TRPM2: variants seen among roughly 807,000 people sequenced by gnomAD.
TRPM2 encodes the protein estrogen-responsive element-associated gene 1 protein.
A neutral mutation model predicts 174.0 loss-of-function variants in TRPM2; 161 were observed. The ratio of observed to expected loss-of-function variants is 0.93; its 90% CI spans 0.81 to 1.05. The LOEUF (loss-of-function observed/expected upper bound fraction) is 1.05. Ranked by LOEUF, TRPM2 falls within the 50% of genes least tolerant of loss-of-function variation. The pLI, the probability that TRPM2 is intolerant of heterozygous loss-of-function variation, is 0.00. For missense variants in TRPM2, 2,057 were observed against 2,038.0 expected, an observed-to-expected ratio of 1.01 and a Z score of -0.18; for synonymous variants, 954 against 861.3, an observed-to-expected ratio of 1.11 and a Z score of -1.88.
At chr21:44,425,055 T>A in intron 24 of TRPM2, 116 bp downstream of exon 24, 1 of 926,346 alleles carries the variant, frequency 1.1e-6, no homozygotes, top group Non-Finnish European at 1.6e-6. Flanking sequence ...AGGAAGGCAC[T>A]GGCTGCAGCC....
chr21:44,429,531 C>G lies in TRPM2; in HGVS notation c.3974+2420C>G, dbSNP rs564610689. Among the ~76,000 whole-genome samples the G allele has an allele frequency of 1.8e-4, 27 of 152,108 alleles. No individual in the cohort carries two copies. The South Asian group carries it at 5.6e-3, about 32-fold the overall frequency. The stretch of plus-strand genomic sequence containing the variant: ...TGAATTCCTGACCTCAGGTGATCCA[C>G]TCGCCTCAGCCTCCCAGAGTGCTGG... On this transcript the variant is annotated intron_variant, in intron 27 of 31. Transcript: ENST00000397928.
At position 44,369,306 on chromosome 21, in the gene TRPM2, G is replaced by A. The variant is rs2048453118; in HGVS notation, c.734G>A (p.Gly245Asp). 3.7e-6 allele frequency: 6 copies of A among 1,613,578 alleles called. No individual in the cohort carries two copies. The highest frequency in any genetic ancestry group is 5.1e-6 in the Non-Finnish European group (6 of 1,179,820). ...ATCACCATCGGAGTCGCCACCTGGG[G>A]CACTGTCCACCGCCGCGAGGGCCTG... ...ELITIGVATWGTVHRREGLIH... is the reference protein window; with the variant it reads ...ELITIGVATWDTVHRREGLIH... The change falls in exon 5 of 32, where the codon GGC (glycine) becomes GAC (aspartate). Residue 245 changes from glycine to aspartate, a missense_variant. Coordinates refer to ENST00000397928, the MANE Select transcript of TRPM2 (RefSeq NM_003307.4).
chr21:44,433,844 C>T (rs368705344), intron 27 of TRPM2, among the ~76,000 whole-genome samples: 202 of 152,282 alleles, frequency 1.3e-3, no homozygotes, highest in Admixed American at 3.6e-3. Context: ...TGGGCTCGGG[C>T]AGGTCTGCGC....
At chr21:44,379,269 G>C (rs1044176967) in intron 8 of TRPM2, 72 bp downstream of exon 8, 3 of 1,543,722 alleles carry the variant, frequency 1.9e-6, no homozygotes, top group Non-Finnish European at 2.6e-6. Context: ...TGGTGGGCAG[G>C]ACCAGGACTC....
chr21:44,357,439 G>T (rs945676907), intron 2 of TRPM2, among the ~76,000 whole-genome samples: 3 of 152,220 alleles, frequency 2.0e-5, no homozygotes, highest in African/African-American at 7.2e-5. Flanking sequence ...CACAGCTAAG[G>T]TTTATCATGG....
chr21:44,374,438 G>A (rs1256959622), intron 5 of TRPM2, among the ~76,000 whole-genome samples: 2 of 152,090 alleles, frequency 1.3e-5, no homozygotes, highest in Middle Eastern at 3.2e-3. Context: ...ATTCAAGCAC[G>A]TTACGTTTAT....
At chr21:44,435,046 G>A (rs8129002) in intron 27 of TRPM2, 85 bp from the exon 28 acceptor site, 29,536 of 1,377,312 alleles carry the variant, frequency 0.021, 800 homozygotes, top group African/African-American at 0.12. Context: ...CCTGACGCCC[G>A]CTGTCCCCTC....
In TRPM2 at chr21:44,366,964, C is replaced by T; in HGVS notation, c.604+30C>T. On this transcript the variant is annotated intron_variant, in intron 4 of 31. Coordinates refer to ENST00000397928, the MANE Select transcript of TRPM2 (RefSeq NM_003307.4). The surrounding 1 kb of genome is among the most constrained non-coding windows in gnomAD (Gnocchi z 6.0). ...CTCGGAGGCTGGAGGGACACGAGGCCCCGGCGGGTGGGGTGGGCTGTGGAG... is the reference window on the plus strand; with the variant it reads ...CTCGGAGGCTGGAGGGACACGAGGCTCCGGCGGGTGGGGTGGGCTGTGGAG... 2 of 1,547,458 alleles carry T rather than the reference C, an allele frequency of 1.3e-6. No individual in the cohort carries two copies. The highest frequency in any genetic ancestry group is 1.7e-6 in the Non-Finnish European group (2 of 1,143,760).
chr21:44,441,736 G>C lies in TRPM2; in HGVS notation c.4431G>C (p.Val1477=), dbSNP rs1226009672. ...CGGGGGCCTCCATCCGATGGCAGGT[G>C]GTGGACAGGCGCATCCCACTCTATG... ...CDSGASIRWQ[V]VDRRIPLYAN... The change falls in exon 32 of 32, where the codon GTG becomes GTC. Residue 1477 remains valine, a synonymous_variant. Transcript: ENST00000397928. 1.9e-6 allele frequency: 3 copies of C among 1,612,120 alleles called. No homozygotes were observed. Among genetic ancestry groups the C allele is most frequent in the Non-Finnish European group, 2.5e-6 (3 of 1,179,174 alleles).
At chr21:44,401,235 A>G (rs1460388073) in intron 15 of TRPM2, among the ~76,000 whole-genome samples, 2 of 151,956 alleles carry the variant, frequency 1.3e-5, no homozygotes, top group African/African-American at 4.8e-5. Context: ...CCACAGGGGG[A>G]GTGTGGTCAG....
chr21:44,394,843 G>A (rs1327845672), intron 11 of TRPM2, among the ~76,000 whole-genome samples: 1 of 152,184 alleles, frequency 6.6e-6, no homozygotes, highest in African/African-American at 2.4e-5. Flanking sequence ...TGTGGGAGAT[G>A]GTTTTTTTTC....
intron 11 of TRPM2, among the ~76,000 whole-genome samples, chr21:44,393,580 G>A (rs921634763): frequency 2.0e-5 from 3 of 151,972 alleles, no homozygotes; most frequent in Non-Finnish European, 2.9e-5. Flanking sequence ...TTCCTTCTCC[G>A]CTCCAGGACA....
chr21:44,414,209 C>A, intron 20 of TRPM2, 135 bp downstream of exon 20: 1 of 1,180,980 alleles, frequency 8.5e-7, no homozygotes, highest in South Asian at 1.4e-5. Flanking sequence ...TCACTCATAT[C>A]CTGGTGGAGT....
intron 20 of TRPM2, among the ~76,000 whole-genome samples, chr21:44,417,630 C>T (rs1222503918): frequency 7.8e-6 from 1 of 128,870 alleles, no homozygotes; most frequent in Non-Finnish European, 1.6e-5. Flanking sequence ...GGGCGTGGCT[C>T]TGCTCTCTGG....
chr21:44,426,536 G>A (rs2050785518), intron 25 of TRPM2, 124 bp from the exon 26 acceptor site: 1 of 1,000,982 alleles, frequency 1.0e-6, no homozygotes, highest in African/African-American at 1.6e-5. Context: ...TGGAGCTTCT[G>A]CCCTGCATGT....
intron 2 of TRPM2, among the ~76,000 whole-genome samples, chr21:44,356,606 G>A (rs1471001877): frequency 4.0e-5 from 6 of 149,514 alleles, no homozygotes; most frequent in East Asian, 2.0e-4. Flanking sequence ...ATCTTGGCTC[G>A]CTGCAACCTT....
intron 19 of TRPM2, among the ~76,000 whole-genome samples, chr21:44,413,270 C>A (rs1015580572): frequency 7.7e-6 from 1 of 129,554 alleles, no homozygotes; most frequent in Non-Finnish European, 1.6e-5. Flanking sequence ...CAGACATTTG[C>A]TCTTGTTGCC....
At position 44,405,889 on chromosome 21, in the gene TRPM2, T is replaced by A. The variant is rs1282196828; in HGVS notation, c.2658-16T>A. ...AGCAGGTGGCTGAGATGTGTGTGCT[T>A]CTGCCCGGCGGCCAGGCTCATCCCG... is the stretch of plus-strand genomic sequence containing the variant. On this transcript the variant is annotated splice_polypyrimidine_tract_variant and intron_variant, in intron 17 of 31. Coordinates refer to ENST00000397928, the MANE Select transcript of TRPM2 (RefSeq NM_003307.4). The A allele has an allele frequency of 1.3e-6, 2 of 1,597,982 alleles. No homozygotes were observed. Among genetic ancestry groups the A allele is most frequent in the African/African-American group, 2.7e-5 (2 of 74,902 alleles).
chr21:44,404,173 A>T (rs995064359), intron 16 of TRPM2, among the ~76,000 whole-genome samples: 1 of 152,126 alleles, frequency 6.6e-6, no homozygotes. Context: ...ATATATACAC[A>T]TGCACACACA....
Sources: allele counts gnomAD v4.1 joint callset (sites outside exome capture counted in the v4.1 genomes callset), GRCh38; gene constraint gnomAD v4.1.1; non-coding constraint Gnocchi (gnomAD v3.1); transcripts MANE v1.5; gene names NCBI Gene and HGNC (gene_info 2026-07-23, HGNC 2026-07-21).